Variants in MUC4 observed in about 807,000 individuals in gnomAD.
The protein encoded by MUC4 is mucin 4, cell surface associated.
In MUC4, 202 loss-of-function variants were observed where a neutral mutation model predicts 257.9. The observed-to-expected ratio is 0.78, with a 90% CI of 0.70 to 0.88. The LOEUF (loss-of-function observed/expected upper bound fraction) is 0.88. Among genes scored for constraint, MUC4 ranks in the 40% least tolerant of loss-of-function variants. The probability of loss-of-function intolerance (pLI) is 0.00; values close to 1 mark genes in which losing one functional copy is unlikely to be tolerated. For missense variants in MUC4, 5,976 were observed against 6,513.7 expected, an observed-to-expected ratio of 0.92 and a Z score of 2.84; for synonymous variants, 2,351 against 2,757.1, an observed-to-expected ratio of 0.85 and a Z score of 4.62.
chr3:195,783,997 G>A lies in MUC4; in HGVS notation c.7583C>T (p.Pro2528Leu), dbSNP rs1729859467. The A allele has an allele frequency of 4.6e-6, 7 of 1,529,062 alleles. No individual in the cohort carries two copies. The highest frequency in any genetic ancestry group is 2.0e-5 in the Admixed American group (1 of 50,142). 94.7% of individuals were successfully genotyped at this position (1,529,062 alleles called of 1,614,324 possible). The change falls in exon 2 of 25, where the codon CCT (proline) becomes CTT (leucine). Residue 2528 changes from proline (P) to leucine (L), a missense_variant. Around this residue, in one of 44 missense-constraint regions of MUC4, gnomAD observed 135 missense variants for 114.7 expected, o/e 1.18. Coordinates refer to ENST00000463781, the MANE Select transcript of MUC4 (RefSeq NM_018406.7). ...TGAGGAAGCATTGGTGACAGGAAGA[G>A]GGGTGGTGTCACCTGTGGATGCTGA... The part of the protein sequence containing the change: ...TPSASTGDTT[P>L]LPVTNASSLS...
In MUC4 at chr3:195,799,197, G is replaced by A. The variant is rs558419446; in HGVS notation, c.83-7700C>T. Reference sequence around the variant, plus strand: ...CCTTAATACATCTTACTTTATGCCCGTTCTGTGTGTTGCTAGTATGTATGT... The same window carrying A: ...CCTTAATACATCTTACTTTATGCCCATTCTGTGTGTTGCTAGTATGTATGT... On this transcript the variant is annotated intron_variant, in intron 1 of 24. Transcript: ENST00000463781. 2.0e-4 allele frequency among the ~76,000 whole-genome samples: 30 copies of A among 150,818 alleles called. No individual in the cohort carries two copies. In the South Asian group the frequency reaches 2.1e-3, roughly 11 times the overall value.
chr3:195,774,780 A>G (rs1723955944), intron 3 of MUC4, among the ~76,000 whole-genome samples: 1 of 151,634 alleles, frequency 6.6e-6, no homozygotes. Flanking sequence ...CATGCCTGTA[A>G]TCCCAGCCAC....
intron 1 of MUC4, among the ~76,000 whole-genome samples, chr3:195,803,425 C>T (rs201281850): frequency 2.8e-4 from 43 of 152,224 alleles, no homozygotes; most frequent in Admixed American, 6.5e-5. Flanking sequence ...TTAAACTATC[C>T]GTTTAATATA....
At position 195,788,599 on chromosome 3, in the gene MUC4, T is replaced by C. The variant is rs199696565; in HGVS notation, c.2981A>G (p.His994Arg). The C allele has an allele frequency of 1.8e-6, 2 of 1,121,920 alleles. No homozygotes were observed. Among genetic ancestry groups the C allele is most frequent in the Admixed American group, 3.2e-5 (1 of 30,854 alleles). 69.5% of individuals were successfully genotyped at this position (1,121,920 alleles called of 1,614,324 possible). The change falls in exon 2 of 25, where the codon CAT becomes CGT. Residue 994 changes from histidine (H) to arginine (R), a missense_variant. Around this residue, in one of 44 missense-constraint regions of MUC4, gnomAD observed 1,583 missense variants for 1,257.4 expected, o/e 1.26. Transcript: ENST00000463781. ...SASTGHTTPL[H>R]VTDASSVSTG... ...GGATACTGAGGAAGCATCGGTGACATGAAGAGGGGTGGTGTGACCTGTGGA... is the reference window on the plus strand; with the variant it reads ...GGATACTGAGGAAGCATCGGTGACACGAAGAGGGGTGGTGTGACCTGTGGA...
At chr3:195,811,660 A>G in intron 1 of MUC4, 76 bp downstream of exon 1, 2 of 1,291,094 alleles carry the variant, frequency 1.5e-6, no homozygotes, top group Non-Finnish European at 2.2e-6. Flanking sequence ...GTCTCCCCGG[A>G]CCTCTTTCTC....
chr3:195,774,299 G>A lies in MUC4; in HGVS notation c.12950C>T (p.Ser4317Phe). 6.4e-7 allele frequency: 1 copy of A among 1,559,386 alleles called. No homozygotes were observed. The highest frequency in any genetic ancestry group is 1.9e-5 in the Admixed American group (1 of 51,602). ...PIPILPERGV[S>F]LFPYGAGAGD... is the part of the protein sequence containing the mutation. ...GGCGCCTGCCCCATAGGGGAAGAGGGAAACTCCTGGGCCAGGACAGAGAAG... is the reference window on the plus strand; with the variant it reads ...GGCGCCTGCCCCATAGGGGAAGAGGAAAACTCCTGGGCCAGGACAGAGAAG... Residue 4317 changes from serine (S) to phenylalanine (F), a missense_variant, in exon 4 of 25, where the codon TCC becomes TTC. Physicochemically the swap from Ser to Phe is radical, Grantham distance 155. This residue lies in a region of MUC4 where 233 missense variants were observed against 171.2 expected (regional missense o/e 1.36). Coordinates refer to ENST00000463781, the MANE Select transcript of MUC4 (RefSeq NM_018406.7).
At position 195,759,134 on chromosome 3, in the gene MUC4, C is replaced by G. The variant is rs765895637; in HGVS notation, c.14976G>C (p.Leu4992Phe). Residue 4992 changes from leucine to phenylalanine, a missense_variant, in exon 17 of 25, where the codon TTG (leucine) becomes TTC (phenylalanine). By Grantham distance (22) the Leu-to-Phe change is conservative (BLOSUM62 0). This residue lies in a region of MUC4 where 996 missense variants were observed against 1,137.3 expected (regional missense o/e 0.88). Transcript: ENST00000463781. ...NFTLRDSCTD[L>F]ELFENGTLLW... ...GCCAAATAGTCCTACCAAAGAGCTCCAAGTCGGTGCAGCTGTCTCTGAGCG... is the reference window on the plus strand; with the variant it reads ...GCCAAATAGTCCTACCAAAGAGCTCGAAGTCGGTGCAGCTGTCTCTGAGCG... 1.7e-5 allele frequency: 28 copies of G among 1,613,970 alleles called. No individual in the cohort carries two copies. Among genetic ancestry groups the G allele is most frequent in the Non-Finnish European group, 2.4e-5 (28 of 1,179,984 alleles).
Position 195,789,302 on chromosome 3 carries a change from C to A in MUC4, c.2278G>T (p.Ala760Ser). Residue 760 changes from alanine to serine, a missense_variant, in exon 2 of 25, where the codon GCC becomes TCC. Around this residue, in one of 44 missense-constraint regions of MUC4, gnomAD observed 1,583 missense variants for 1,257.4 expected, o/e 1.26. Transcript: ENST00000463781. ...GPEGQWTSASASTSPDTAAAM... is the reference protein window; with the variant it reads ...GPEGQWTSASSSTSPDTAAAM... ...GCTGCTGTGTCAGGTGAGGTGCTGG[C>A]AGAGGCTGATGTCCATTGTCCTTCT... is the stretch of plus-strand genomic sequence containing the variant. The A allele has an allele frequency of 6.2e-7, 1 of 1,613,874 alleles. No homozygotes were observed. The highest frequency in any genetic ancestry group is 8.5e-7 in the Non-Finnish European group (1 of 1,179,862).
Position 195,749,060 on chromosome 3 carries a change from G to A in MUC4, c.15876C>T (p.Asn5292=), listed in dbSNP as rs549551495. The change falls in exon 24 of 25, where the codon AAC becomes AAT. Residue 5292 remains asparagine (N), a synonymous_variant. Coordinates refer to ENST00000463781, the MANE Select transcript of MUC4 (RefSeq NM_018406.7). ...TGAAGTAAGCCTTCAGCGTGCTCACGTTCACTGTCGGGAAGGACACAGATT... is the reference window on the plus strand; with the variant it reads ...TGAAGTAAGCCTTCAGCGTGCTCACATTCACTGTCGGGAAGGACACAGATT... ...GEDVRDVTAL[N]VSTLKAYFRC... 8 of 1,606,870 alleles carry A rather than the reference G, an allele frequency of 5.0e-6. No individual in the cohort carries two copies. The highest frequency in any genetic ancestry group is 2.2e-5 in the East Asian group (1 of 44,692).
Position 195,779,890 on chromosome 3 carries a change from G to A in MUC4, c.11690C>T (p.Ala3897Val), listed in dbSNP as rs200183066. ...AAGAGGGGTGGCGTGACGTGTGGAT[G>A]CTGAGGAAGTGTCGGTGACAGGAAG... ...TPLPVTDTSSASTRHATPLPV... is the reference protein window; with the variant it reads ...TPLPVTDTSSVSTRHATPLPV... The change falls in exon 2 of 25, where the codon GCA becomes GTA. Residue 3897 changes from alanine to valine, a missense_variant. Around this residue, in one of 44 missense-constraint regions of MUC4, gnomAD observed 330 missense variants for 262.0 expected, o/e 1.26. Coordinates refer to ENST00000463781, the MANE Select transcript of MUC4 (RefSeq NM_018406.7). 121 of 1,300,062 alleles carry A rather than the reference G, an allele frequency of 9.3e-5. 7 individuals are homozygous for A. In the African/African-American group the frequency reaches 1.3e-3, roughly 14 times the overall value. 80.5% of individuals were successfully genotyped at this position (1,300,062 alleles called of 1,614,324 possible). A position where few individuals can be genotyped will look rare whatever the true frequency, so the allele number is the denominator to read the frequency against.
intron 1 of MUC4, among the ~76,000 whole-genome samples, chr3:195,794,371 T>TAG (rs1490410050): frequency 1.4e-4 from 19 of 132,756 alleles, no homozygotes; most frequent in African/African-American, 5.1e-4. Flanking sequence ...AACATATATA[T>TAG]ATAGAGAGAG....
In MUC4 at chr3:195,783,951, G is replaced by T; in HGVS notation, c.7629C>A (p.Thr2543=). ...NASSLSTRHA[T]SLHVTSPSSA... ...AGGAAGGGCTGGTGACATGAAGAGA[G>T]GTGGCGTGACGTGTGGATAATGAGG... Residue 2543 remains threonine, a synonymous_variant, in exon 2 of 25, where the codon ACC becomes ACA. Transcript: ENST00000463781. The T allele has an allele frequency of 6.6e-7, 1 of 1,522,982 alleles. No individual in the cohort carries two copies. The highest frequency in any genetic ancestry group is 8.8e-7 in the Non-Finnish European group (1 of 1,133,042). The allele number at this position is 1,522,982 out of a possible 1,614,324, so 94.3% of individuals were successfully genotyped here.
chr3:195,761,996 G>T, intron 14 of MUC4, 91 bp downstream of exon 14: 2 of 1,383,596 alleles, frequency 1.4e-6, no homozygotes, highest in Non-Finnish European at 9.7e-7. Flanking sequence ...GAGAAAGGGA[G>T]GCCGAGCAGG....
At chr3:195,766,784 C>A (rs368711009) in intron 7 of MUC4, 33 bp from the exon 8 acceptor site, 18 of 1,587,640 alleles carry the variant, frequency 1.1e-5, no homozygotes, top group Non-Finnish European at 2.6e-6. Context: ...AGGCCTCTGC[C>A]GTGCACAGGC....
Position 195,791,057 on chromosome 3 carries a change from G to A in MUC4, c.523C>T (p.Gln175Ter). 1 of 1,613,810 alleles carries A rather than the reference G, an allele frequency of 6.2e-7. No individual in the cohort carries two copies. The highest frequency in any genetic ancestry group is 8.5e-7 in the Non-Finnish European group (1 of 1,179,860). The change falls in exon 2 of 25, where the codon CAG (glutamine) becomes TAG (stop). Residue 175 changes from glutamine to a stop codon, truncating the protein, a stop_gained. Coordinates refer to ENST00000463781, the MANE Select transcript of MUC4 (RefSeq NM_018406.7). LOFTEE classifies it high-confidence loss of function. ...GAAGTTGTTCGTGATTGTCCTTCCT[G>A]TCCAGCTGTTATTGAGACTGCTGAG... is the stretch of plus-strand genomic sequence containing the variant. The part of the protein sequence containing the change: ...VTSAVSITAG[Q>*]EGQSRTTSWR...
chr3:195,754,775 T>C (rs111327031), intron 18 of MUC4, among the ~76,000 whole-genome samples: 9,075 of 152,212 alleles, frequency 0.06, 899 homozygotes, highest in African/African-American at 0.21. Context: ...TGTATCCATG[T>C]ATGTATGTGT....
intron 1 of MUC4, chr3:195,809,866 C>T (rs556343285): frequency 1.3e-5 from 2 of 152,428 alleles, no homozygotes; most frequent in African/African-American, 4.8e-5. Context: ...GGACCGGGGC[C>T]CTGGGGAGAC....
rs746992188 is a variant in MUC4, at chr3:195,769,120, G to A, written c.13431C>T (p.Asp4477=). ...SNTYQAILST[D]GSRSYALFLY... The stretch of plus-strand genomic sequence containing the variant: ...GAAACAGGGCATAGGACCTGCTCCC[G>A]TCCGTGGAGAGGATGGCTTGGTAGG... The change falls in exon 7 of 25, where the codon GAC becomes GAT. Residue 4477 remains aspartate, a synonymous_variant. Transcript: ENST00000463781. The A allele has an allele frequency of 3.3e-5, 54 of 1,613,998 alleles. No individual in the cohort carries two copies. The highest frequency in any genetic ancestry group is 1.8e-4 in the East Asian group (8 of 44,890).
chr3:195,759,386 G>A, intron 16 of MUC4, 125 bp from the exon 17 acceptor site: 2 of 1,301,946 alleles, frequency 1.5e-6, no homozygotes, highest in South Asian at 2.7e-5. Context: ...TCTGGAAGAA[G>A]GAATTATTCT....
Sources: allele counts gnomAD v4.1 joint callset (sites outside exome capture counted in the v4.1 genomes callset), GRCh38; gene constraint gnomAD v4.1.1; regional missense constraint gnomAD v4.1.1; transcripts MANE v1.5; gene names NCBI Gene and HGNC (gene_info 2026-07-23, HGNC 2026-07-21).